Variants in NCF1 observed in about 807,000 individuals in gnomAD.
NCF1 encodes neutrophil cytosol factor 1.
A neutral mutation model predicts 34.9 loss-of-function variants in NCF1; 8 were observed. That is an observed-to-expected ratio of 0.23 (90% CI 0.13 to 0.41). The LOEUF (loss-of-function observed/expected upper bound fraction) is 0.41. Ranked by LOEUF, NCF1 falls within the 10% of genes least tolerant of loss-of-function variation. The pLI is 1.00. For missense variants in NCF1, 122 were observed against 362.4 expected (o/e 0.34, Z 5.39); for synonymous variants, 57 against 146.3 (o/e 0.39, Z 4.41).
At chr7:74,777,608 C>G in intron 2 of NCF1, 2 of 407,156 alleles carry the variant, frequency 4.9e-6, no homozygotes, top group East Asian at 6.4e-5. Flanking sequence ...TTTAGGTTTG[C>G]AGTGCAGGGG....
rs201522178 is a variant in NCF1, at chr7:74,782,972, G to A, written c.485G>A (p.Arg162His). The A allele has an allele frequency of 5.3e-5, 85 of 1,611,018 alleles. 1 individual carries two copies. Among genetic ancestry groups the A allele is most frequent in the African/African-American group, 2.4e-4 (18 of 74,612 alleles). The change falls in exon 6 of 11, where the codon CGC (arginine) becomes CAC (histidine). Residue 162 changes from arginine (R) to histidine (H), a missense_variant. By Grantham distance (29) the Arg-to-His change is conservative (BLOSUM62 0). Coordinates refer to ENST00000289473, the MANE Select transcript of NCF1 (RefSeq NM_000265.7). The stretch of plus-strand genomic sequence containing the variant: ...GGCCCCATCATCCTGCAGACGTACC[G>A]CGCCATTGCCAACTACGAGAAGACC... ...ITGPIILQTYRAIANYEKTSG... is the reference protein window; with the variant it reads ...ITGPIILQTYHAIANYEKTSG...
Position 74,779,313 on chromosome 7 carries a change from G to A in NCF1, c.286G>A (p.Glu96Lys), listed in dbSNP as rs1563002882. The A allele has an allele frequency of 1.7e-5, 27 of 1,608,280 alleles. 2 individuals are homozygous for A. Among genetic ancestry groups the A allele is most frequent in the Non-Finnish European group, 2.1e-5 (25 of 1,179,050 alleles). The change falls in exon 4 of 11, where the codon GAG becomes AAG. Residue 96 changes from glutamate to lysine, a missense_variant. By Grantham distance (56) the Glu-to-Lys change is moderately conservative (BLOSUM62 1). This residue lies in a region of NCF1 where 14 missense variants were observed against 22.4 expected (regional missense o/e 0.62). Coordinates refer to ENST00000289473, the MANE Select transcript of NCF1 (RefSeq NM_000265.7). ...CGAGAACCGCCAGGGCACACTTACC[G>A]AGTACTGCAGCACGCTCATGAGCCT... The part of the protein sequence containing the change: ...AAENRQGTLT[E>K]YCSTLMSLPT...
At chr7:74,777,590 G>C (rs1377334407) in intron 2 of NCF1, 1 of 445,710 alleles carries the variant, frequency 2.2e-6, no homozygotes, top group South Asian at 2.1e-5. Flanking sequence ...AGGTGGTTTT[G>C]AGAGGTATTT....
chr7:74,776,011 A>G lies in NCF1; in HGVS notation c.73-1256A>G, dbSNP rs782191766. Among the ~76,000 whole-genome samples the G allele has an allele frequency of 3.0e-3, 284 of 94,250 alleles. 5 individuals are homozygous for G. The highest frequency in any genetic ancestry group is 4.6e-3 in the Non-Finnish European group (222 of 48,156). The allele number at this position is 94,250 out of a possible 152,430, so 61.8% of individuals were successfully genotyped here. On this transcript the variant is annotated intron_variant, in intron 1 of 10. Coordinates refer to ENST00000289473, the MANE Select transcript of NCF1 (RefSeq NM_000265.7). The stretch of plus-strand genomic sequence containing the variant: ...ACCCAGGCTGGAGTGCAATGGCACA[A>G]TCTCCACTCACTGCATCCTCCGCCT...
chr7:74,783,214 T>C lies in NCF1; in HGVS notation c.574+153T>C, dbSNP rs1554414039. ...CCTCCCCACACTGTGGGTCGCCTTC[T>C]GTCTTAGTGTGCACCCTGTGGTGGC... On this transcript the variant is annotated intron_variant, in intron 6 of 10. Coordinates refer to ENST00000289473, the MANE Select transcript of NCF1 (RefSeq NM_000265.7). The C allele has an allele frequency of 2.8e-6, 4 of 1,443,676 alleles. No homozygotes were observed. In the East Asian group the frequency reaches 7.5e-5, roughly 27 times the overall value. 89.4% of individuals were successfully genotyped at this position (1,443,676 alleles called of 1,614,324 possible).
chr7:74,782,825 A>G, intron 5 of NCF1, 114 bp from the exon 6 acceptor site: 6 of 1,063,206 alleles, frequency 5.6e-6, no homozygotes, highest in Non-Finnish European at 8.6e-6. Flanking sequence ...AGCCTGGAGA[A>G]CGCTATGCGC....
At chr7:74,787,344 A>G (rs1637422) in intron 8 of NCF1, among the ~76,000 whole-genome samples, 34 of 152,178 alleles carry the variant, frequency 2.2e-4, no homozygotes, top group South Asian at 4.2e-4. Context: ...GGAAGCTGAG[A>G]CAGGAGAATT....
At chr7:74,778,787 A>G (rs1382682935) in intron 2 of NCF1, among the ~76,000 whole-genome samples, 5 of 129,652 alleles carry the variant, frequency 3.9e-5, no homozygotes, top group Non-Finnish European at 6.6e-5. Context: ...CGATTCTCCC[A>G]CCTCAGCCTC....
chr7:74,787,027 C>T lies in NCF1; in HGVS notation c.801-957C>T, dbSNP rs1796686002. Among the ~76,000 whole-genome samples, 4 of 145,864 alleles carry T rather than the reference C, an allele frequency of 2.7e-5. No homozygotes were observed. The South Asian group carries it at 8.5e-4, about 31-fold the overall frequency. ...AAATGGTGCTGGAACAGATGGATTT[C>T]CATACTGGAAAAAAAAAAAAAAGAG... On this transcript the variant is annotated intron_variant, in intron 8 of 10. Transcript: ENST00000289473.
intron 2 of NCF1, 88 bp from the exon 3 acceptor site, chr7:74,778,994 G>A (rs1796530084): frequency 1.5e-6 from 1 of 656,950 alleles, no homozygotes; most frequent in African/African-American, 1.8e-5. Flanking sequence ...GTTTTGAGAG[G>A]TATTTAGGTC....
Position 74,783,522 on chromosome 7 carries a change from C to T in NCF1, c.575-3C>T. On this transcript the variant is annotated splice_polypyrimidine_tract_variant and splice_region_variant and intron_variant, in intron 6 of 10. Transcript: ENST00000289473. ...CAGTCACATTCCCGCACCTCTGGCA[C>T]AGGTTGGTGGTTCTGTCAGATGAAA... 1.2e-6 allele frequency: 2 copies of T among 1,611,462 alleles called. No individual in the cohort carries two copies. The highest frequency in any genetic ancestry group is 1.1e-5 in the South Asian group (1 of 90,922).
chr7:74,777,750 G>A (rs2131601218), intron 2 of NCF1: 1 of 244,708 alleles, frequency 4.1e-6, no homozygotes, highest in East Asian at 1.1e-4. Flanking sequence ...ATAAAGATGG[G>A]GATCTCACTA....
intron 5 of NCF1, among the ~76,000 whole-genome samples, chr7:74,782,432 CAAAAA>C (rs1191148986): frequency 6.1e-5 from 2 of 33,034 alleles, no homozygotes; most frequent in Admixed American, 4.0e-4. Flanking sequence ...GACTCCATCT[CAAAAA>C]AAAAAAAAAA....
At position 74,781,983 on chromosome 7, in the gene NCF1, C is replaced by T. The variant is rs587701795; in HGVS notation, c.452-956C>T. 2.3e-4 allele frequency among the ~76,000 whole-genome samples: 35 copies of T among 151,270 alleles called. 1 individual carries two copies. In the East Asian group the frequency reaches 6.6e-3, roughly 29 times the overall value. ...AGGTACTGGGTGGTTAGGACTTCAA[C>T]ATATGAATTTTGAGAAGGCGGATGT... On this transcript the variant is annotated intron_variant, in intron 5 of 10. Transcript: ENST00000289473.
intron 5 of NCF1, among the ~76,000 whole-genome samples, chr7:74,782,588 T>A (rs1554413887): frequency 6.6e-6 from 1 of 150,718 alleles, no homozygotes; most frequent in African/African-American, 2.4e-5. Flanking sequence ...TACAAAAAAT[T>A]AGCCGGGTGT....
At chr7:74,783,720 G>C (rs1796622082) in intron 7 of NCF1, 88 bp downstream of exon 7, 21 of 1,510,728 alleles carry the variant, frequency 1.4e-5, no homozygotes, top group Non-Finnish European at 1.8e-5. Context: ...TGGAGTCTGG[G>C]CTGGTTGCTG....
chr7:74,788,722 G>A lies in NCF1; in HGVS notation c.1051+18G>A. 6.5e-7 allele frequency: 1 copy of A among 1,550,132 alleles called. No individual in the cohort carries two copies. The highest frequency in any genetic ancestry group is 1.2e-5 in the South Asian group (1 of 85,356). On this transcript the variant is annotated intron_variant, in intron 10 of 10. Coordinates refer to ENST00000289473, the MANE Select transcript of NCF1 (RefSeq NM_000265.7). ...CCCGCTCGGTGAGTGCAGCGGGAGA[G>A]GGCAGGAAGGGCAAGCCCTAGAGGC...
At chr7:74,775,828 G>A (rs1250328120) in intron 1 of NCF1, among the ~76,000 whole-genome samples, 3 of 147,940 alleles carry the variant, frequency 2.0e-5, no homozygotes, top group Non-Finnish European at 4.5e-5. Flanking sequence ...CTGCCTCCTG[G>A]GTTCAAGAGA....
rs1181241617 is a variant in NCF1 at position 74,777,328 on chromosome 7, C to G, written c.134C>G (p.Thr45Ser). 15 of 1,598,514 alleles carry G rather than the reference C, an allele frequency of 9.4e-6. No individual in the cohort carries two copies. The highest frequency in any genetic ancestry group is 1.3e-5 in the Non-Finnish European group (15 of 1,171,014). ...LSEKVVYRRF[T>S]EIYEFHKTLK... is the part of the protein sequence containing the mutation. ...GAGAAGGTGGTCTACCGGCGCTTCA[C>G]CGAGATCTACGAGTTCCATGTGAGT... Residue 45 changes from threonine (T) to serine (S), a missense_variant, in exon 2 of 11, where the codon ACC (threonine) becomes AGC (serine). Transcript: ENST00000289473.
Sources: allele counts gnomAD v4.1 joint callset (sites outside exome capture counted in the v4.1 genomes callset), GRCh38; gene constraint gnomAD v4.1.1; regional missense constraint gnomAD v4.1.1; transcripts MANE v1.5; gene names NCBI Gene and HGNC (gene_info 2026-07-23, HGNC 2026-07-21).